Variants in PLEKHM3 observed in about 807,000 individuals in gnomAD.
PLEKHM3 encodes the protein pleckstrin homology domain containing M3.
A neutral mutation model predicts 81.8 loss-of-function variants in PLEKHM3; 45 were observed. The observed-to-expected ratio is 0.55, with a 90% CI of 0.43 to 0.71. The LOEUF is 0.71. Ranked by LOEUF, PLEKHM3 falls within the 30% of genes least tolerant of loss-of-function variation. The pLI is 0.00. For synonymous variants in PLEKHM3, 352 were observed against 356.4 expected (o/e 0.99, Z 0.14); for missense variants, 788 against 924.3 (o/e 0.85, Z 1.91).
intron 2 of PLEKHM3, among the ~76,000 whole-genome samples, chr2:207,978,178 TGCAACATCAAC>T (rs1691387899): frequency 1.3e-5 from 2 of 151,910 alleles, no homozygotes. Context: ...CAACGGAGCG[TGCAACATCAAC>T]GTGAGATGCA....
At chr2:207,905,156 A>G (rs907015180) in intron 6 of PLEKHM3, among the ~76,000 whole-genome samples, 3 of 152,118 alleles carry the variant, frequency 2.0e-5, no homozygotes, top group African/African-American at 4.8e-5. Flanking sequence ...GTTTTTTCTG[A>G]TTTATAACTC....
At chr2:207,898,512 G>A (rs1688316042) in intron 6 of PLEKHM3, among the ~76,000 whole-genome samples, 1 of 152,200 alleles carries the variant, frequency 6.6e-6, no homozygotes, top group Non-Finnish European at 1.5e-5. Context: ...CCAGCACTTT[G>A]GAAGGCTGAG....
At chr2:207,900,513 T>C (rs1275271563) in intron 6 of PLEKHM3, 2 of 152,314 alleles carry the variant, frequency 1.3e-5, no homozygotes, top group Non-Finnish European at 1.5e-5. Flanking sequence ...AAGAAAGACA[T>C]GTGGGATGGA....
chr2:207,933,123 T>C (rs151105101), intron 4 of PLEKHM3, among the ~76,000 whole-genome samples: 2,830 of 152,292 alleles, frequency 0.019, 31 homozygotes, highest in Middle Eastern at 0.054. Flanking sequence ...TTAGAGAAGT[T>C]TACAGTCTCT....
intron 3 of PLEKHM3, among the ~76,000 whole-genome samples, chr2:207,962,793 G>GGATT (rs1403877757): frequency 6.6e-6 from 1 of 152,046 alleles, no homozygotes. Flanking sequence ...CCAGAGCAGG[G>GGATT]GATTGTACCT....
At chr2:207,830,988 A>G (rs1033631844) in intron 7 of PLEKHM3, among the ~76,000 whole-genome samples, 14 of 152,316 alleles carry the variant, frequency 9.2e-5, no homozygotes, top group African/African-American at 3.4e-4. Flanking sequence ...AGCTTCCTGC[A>G]CTTCAGTGTC....
intron 6 of PLEKHM3, among the ~76,000 whole-genome samples, chr2:207,888,841 A>G (rs1280963207): frequency 6.6e-6 from 1 of 152,240 alleles, no homozygotes; most frequent in African/African-American, 2.4e-5. Context: ...TTAGGATACC[A>G]AAAAGAGCAG....
chr2:207,914,048 A>C (rs1184676560), intron 5 of PLEKHM3, among the ~76,000 whole-genome samples: 1 of 152,146 alleles, frequency 6.6e-6, no homozygotes, highest in African/African-American at 2.4e-5. Context: ...AAAGTGTTAT[A>C]TAAAAAAGAT....
intron 7 of PLEKHM3, among the ~76,000 whole-genome samples, chr2:207,855,335 A>G (rs924829213): frequency 6.6e-6 from 1 of 152,220 alleles, no homozygotes; most frequent in Non-Finnish European, 1.5e-5. Context: ...AGTCTGAACA[A>G]TAAAATATAG....
intron 1 of PLEKHM3, among the ~76,000 whole-genome samples, chr2:208,015,443 T>C (rs1692872067): frequency 1.3e-5 from 2 of 149,686 alleles, no homozygotes; most frequent in Non-Finnish European, 3.0e-5. Context: ...ATATCATATT[T>C]ACACCCAGGG....
intron 7 of PLEKHM3, among the ~76,000 whole-genome samples, chr2:207,856,653 T>C (rs1351804190): frequency 6.6e-6 from 1 of 152,224 alleles, no homozygotes; most frequent in Non-Finnish European, 1.5e-5. Flanking sequence ...CTCACTTCTT[T>C]TGTGGCTGAA....
At chr2:207,984,560 T>C (rs1691651884) in intron 2 of PLEKHM3, among the ~76,000 whole-genome samples, 1 of 152,162 alleles carries the variant, frequency 6.6e-6, no homozygotes, top group Non-Finnish European at 1.5e-5. Flanking sequence ...TTTGTATTTT[T>C]AGTAGAGACA....
At chr2:207,895,736 A>C (rs941007643) in intron 6 of PLEKHM3, among the ~76,000 whole-genome samples, 3 of 152,228 alleles carry the variant, frequency 2.0e-5, no homozygotes, top group Non-Finnish European at 4.4e-5. Flanking sequence ...GCTAGGTGGC[A>C]TATTACCTTC....
chr2:207,954,629 C>T (rs888817453), intron 3 of PLEKHM3, among the ~76,000 whole-genome samples: 1 of 152,206 alleles, frequency 6.6e-6, no homozygotes, highest in Admixed American at 6.5e-5. Flanking sequence ...AATCTGAATA[C>T]TAATTGGTTT....
At chr2:207,911,686 T>C (rs1156986044) in intron 5 of PLEKHM3, among the ~76,000 whole-genome samples, 1 of 152,174 alleles carries the variant, frequency 6.6e-6, no homozygotes, top group African/African-American at 2.4e-5. Flanking sequence ...TGCTTAATAA[T>C]GAAATCCCTT....
intron 7 of PLEKHM3, among the ~76,000 whole-genome samples, chr2:207,832,098 G>A (rs2092291693): frequency 6.6e-6 from 1 of 152,164 alleles, no homozygotes; most frequent in African/African-American, 2.4e-5. Flanking sequence ...ACACCCATGG[G>A]GTGATGGAAG....
At chr2:207,918,652 TTTC>T (rs1689079612) in intron 5 of PLEKHM3, among the ~76,000 whole-genome samples, 1 of 152,232 alleles carries the variant, frequency 6.6e-6, no homozygotes, top group Non-Finnish European at 1.5e-5. Context: ...TATGGGTGGC[TTTC>T]TTATTTTTGT....
chr2:207,906,515 G>A (rs559455770), intron 6 of PLEKHM3, among the ~76,000 whole-genome samples: 1 of 152,310 alleles, frequency 6.6e-6, no homozygotes, highest in East Asian at 1.9e-4. Flanking sequence ...CTGGCAGGGA[G>A]CAGAGGCTCA....
intron 3 of PLEKHM3, among the ~76,000 whole-genome samples, chr2:207,963,534 G>C (rs1429533053): frequency 6.6e-6 from 1 of 152,166 alleles, no homozygotes; most frequent in Admixed American, 6.5e-5. Flanking sequence ...CTGGTTAGAA[G>C]GTCACTATAG....
Sources: gnomAD v4.1 joint callset for allele counts (sites outside exome capture counted in the v4.1 genomes callset) on GRCh38, gnomAD v4.1.1 for gene constraint, MANE v1.5 for transcripts, NCBI Gene and HGNC (gene_info 2026-07-23, HGNC 2026-07-21) for gene names.